PTPRG: variants seen among roughly 807,000 people sequenced by gnomAD.
PTPRG encodes protein tyrosine phosphatase receptor type G.
PTPRG carries 102 observed loss-of-function variants against 165.3 expected under a neutral mutation model. The observed-to-expected ratio is 0.62, with a 90% CI of 0.53 to 0.73. The LOEUF (loss-of-function observed/expected upper bound fraction) is 0.73, where lower values mean the gene tolerates loss of function less well. PTPRG is among the 30% of genes least tolerant of loss of function. PTPRG has a pLI of 0.00. For missense variants in PTPRG, 1,866 were observed against 1,861.4 expected, an observed-to-expected ratio of 1.00 and a Z score of -0.05; for synonymous variants, 675 against 669.5, an observed-to-expected ratio of 1.01 and a Z score of -0.13.
chr3:61,987,116 C>T (rs886126349), intron 2 of PTPRG, among the ~76,000 whole-genome samples: 3 of 152,146 alleles, frequency 2.0e-5, no homozygotes, highest in Non-Finnish European at 4.4e-5. Flanking sequence ...TCAATATCTG[C>T]AAGCTTGGAA....
intron 2 of PTPRG, among the ~76,000 whole-genome samples, chr3:61,792,657 T>C (rs2034911741): frequency 6.6e-6 from 1 of 151,874 alleles, no homozygotes; most frequent in African/African-American, 2.4e-5. Context: ...AAAACATAAC[T>C]TTTTTGTGGG....
intron 26 of PTPRG, among the ~76,000 whole-genome samples, chr3:62,279,934 A>T (rs1702369098): frequency 6.6e-6 from 1 of 152,046 alleles, no homozygotes; most frequent in South Asian, 2.1e-4. Context: ...TTGCCATTGG[A>T]GCTGATTGAT....
intron 2 of PTPRG, among the ~76,000 whole-genome samples, chr3:61,830,817 A>G (rs1430909845): frequency 6.6e-6 from 1 of 151,912 alleles, no homozygotes; most frequent in Non-Finnish European, 1.5e-5. Context: ...CAGGTGATCC[A>G]CCTGCCTCGG....
In PTPRG at chr3:62,255,062, C is replaced by T; in HGVS notation, c.2468-62C>T. 1 of 1,379,590 alleles carries T rather than the reference C, an allele frequency of 7.2e-7. No homozygotes were observed. Among genetic ancestry groups the T allele is most frequent in the Admixed American group, 1.9e-5 (1 of 51,686 alleles). The allele number at this position is 1,379,590 out of a possible 1,614,324, so 85.5% of individuals were successfully genotyped here. On this transcript the variant is annotated intron_variant, in intron 15 of 29. Transcript: ENST00000474889. The surrounding 1 kb of genome is among the most constrained non-coding windows in gnomAD (Gnocchi z 4.0). ...TTGTCTTAAGGATGCTTTGCTTTAT[C>T]AGTGTAATTTGTTTTATGGAAGTAT...
intron 2 of PTPRG, among the ~76,000 whole-genome samples, chr3:61,963,017 G>A (rs1019610764): frequency 7.9e-5 from 12 of 151,940 alleles, no homozygotes; most frequent in Middle Eastern, 3.2e-3. Flanking sequence ...TCTATATTCC[G>A]TCCCCACCCT....
At chr3:62,097,928 G>T (rs904451535) in intron 5 of PTPRG, among the ~76,000 whole-genome samples, 19 of 152,168 alleles carry the variant, frequency 1.2e-4, no homozygotes, top group Admixed American at 1.1e-3. Context: ...AAATTAACTT[G>T]AGTTATTAAA....
At chr3:62,083,188 C>T (rs1701637085) in intron 5 of PTPRG, among the ~76,000 whole-genome samples, 1 of 151,844 alleles carries the variant, frequency 6.6e-6, no homozygotes, top group Admixed American at 6.5e-5. Flanking sequence ...AATTTGAATG[C>T]CTGTGAAAAT....
At position 62,262,812 on chromosome 3, in the gene PTPRG, T is replaced by C. The variant is rs779529850; in HGVS notation, c.2574T>C (p.Cys858=). 3 of 1,613,326 alleles carry C rather than the reference T, an allele frequency of 1.9e-6. No individual in the cohort carries two copies. The highest frequency in any genetic ancestry group is 2.7e-5 in the African/African-American group (2 of 75,040). ...FSEDFEEVQR[C]TADMNITAEH... ...TTCTTCACTAGGAAGTCCAGCGCTGTACTGCTGATATGAACATCACTGCAG... is the reference window on the plus strand; with the variant it reads ...TTCTTCACTAGGAAGTCCAGCGCTGCACTGCTGATATGAACATCACTGCAG... Residue 858 remains cysteine (C), a synonymous_variant, in exon 17 of 30, where the codon TGT becomes TGC. Transcript: ENST00000474889.
chr3:61,997,986 A>T (rs1342799149), intron 3 of PTPRG, among the ~76,000 whole-genome samples: 1 of 152,192 alleles, frequency 6.6e-6, no homozygotes, highest in Non-Finnish European at 1.5e-5. Flanking sequence ...GCAACGGTGC[A>T]TCAGGGTAGG....
At chr3:62,100,311 T>G (rs569690716) in intron 5 of PTPRG, among the ~76,000 whole-genome samples, 1 of 152,278 alleles carries the variant, frequency 6.6e-6, no homozygotes, top group East Asian at 1.9e-4. Flanking sequence ...CTTGTTCCTG[T>G]TCTAGTCTTT....
At chr3:62,212,480 A>G (rs1019447802) in intron 12 of PTPRG, among the ~76,000 whole-genome samples, 1 of 152,236 alleles carries the variant, frequency 6.6e-6, no homozygotes, top group African/African-American at 2.4e-5. Flanking sequence ...TATCAGGATC[A>G]TGGTGAGTTT....
intron 2 of PTPRG, among the ~76,000 whole-genome samples, chr3:61,817,970 C>G (rs1259487347): frequency 1.3e-5 from 2 of 151,968 alleles, no homozygotes; most frequent in Non-Finnish European, 2.9e-5. Flanking sequence ...AGACAAGGTT[C>G]AGATAACAGT....
In PTPRG at chr3:61,929,257, G is replaced by A. The variant is rs192121097; in HGVS notation, c.191-60368G>A. Among the ~76,000 whole-genome samples, 69 of 151,994 alleles carry A rather than the reference G, an allele frequency of 4.5e-4. 1 individual carries two copies. In the East Asian group the frequency reaches 0.013, roughly 28 times the overall value. ...ACTTCTGAGCCACATTTTTCCTAGA[G>A]GTTGTTCTCTCTCTGGGAATGAATA... On this transcript the variant is annotated intron_variant, in intron 2 of 29. Coordinates refer to ENST00000474889, the MANE Select transcript of PTPRG (RefSeq NM_002841.4).
At chr3:61,994,224 C>T (rs2040964957) in intron 3 of PTPRG, among the ~76,000 whole-genome samples, 1 of 152,200 alleles carries the variant, frequency 6.6e-6, no homozygotes, top group African/African-American at 2.4e-5. Context: ...GCAAAATGAT[C>T]AGAATTTAAT....
chr3:62,153,326 A>C (rs1704405455), intron 6 of PTPRG, among the ~76,000 whole-genome samples: 1 of 152,220 alleles, frequency 6.6e-6, no homozygotes, highest in African/African-American at 2.4e-5. Flanking sequence ...TAACTTGCTT[A>C]ATTGTCACAG....
intron 15 of PTPRG, among the ~76,000 whole-genome samples, chr3:62,253,644 G>A (rs1344341815): frequency 6.6e-6 from 1 of 152,126 alleles, no homozygotes; most frequent in Non-Finnish European, 1.5e-5. Context: ...TGTGCATTCT[G>A]CTAAATATTC....
chr3:62,267,587 T>G, intron 18 of PTPRG, 95 bp downstream of exon 18: 3 of 1,537,262 alleles, frequency 2.0e-6, no homozygotes, highest in Non-Finnish European at 2.7e-6. Context: ...GAGCTTTCAC[T>G]AAAAACAAAG....
At chr3:62,192,393 CTTTTTTTTTTTTTT>C (rs71123255) in intron 9 of PTPRG, among the ~76,000 whole-genome samples, 93 of 52,628 alleles carry the variant, frequency 1.8e-3, no homozygotes, top group Admixed American at 7.6e-3. Context: ...CAACTACTGT[CTTTTTTTTTTTTTT>C]TTTTTTTTTT....
chr3:61,931,158 C>T (rs1270835565), intron 2 of PTPRG, among the ~76,000 whole-genome samples: 1 of 152,192 alleles, frequency 6.6e-6, no homozygotes, highest in Non-Finnish European at 1.5e-5. Context: ...TGCTTTTGCT[C>T]ATTTTGCTTC....
Sources: gnomAD v4.1 joint callset for allele counts (sites outside exome capture counted in the v4.1 genomes callset) on GRCh38, gnomAD v4.1.1 for gene constraint, Gnocchi (gnomAD v3.1) non-coding constraint, MANE v1.5 for transcripts, NCBI Gene and HGNC (gene_info 2026-07-23, HGNC 2026-07-21) for gene names.